The following GALNT13 variants were observed in gnomAD, a reference collection of about 807,000 sequenced individuals.
GALNT13 encodes UDP-GalNAc:polypeptide N-acetylgalactosaminyltransferase 13.
GALNT13 carries 28 observed loss-of-function variants against 64.2 expected under a neutral mutation model. The ratio of observed to expected loss-of-function variants is 0.44; its 90% CI spans 0.32 to 0.60. The LOEUF (loss-of-function observed/expected upper bound fraction) is 0.60. Ranked by LOEUF, GALNT13 falls within the 20% of genes least tolerant of loss-of-function variation. The pLI is 0.05. For missense variants in GALNT13, 577 were observed against 669.8 expected (o/e 0.86, Z 1.53); for synonymous variants, 214 against 224.6 (o/e 0.95, Z 0.42).
At chr2:154,101,845 A>G (rs1310632740) in intron 3 of GALNT13, among the ~76,000 whole-genome samples, 2 of 151,890 alleles carry the variant, frequency 1.3e-5, no homozygotes, top group Non-Finnish European at 2.9e-5. Flanking sequence ...TTGTTTCTCT[A>G]TTTTTACTCA....
At chr2:154,191,384 A>G (rs1335514382) in intron 4 of GALNT13, among the ~76,000 whole-genome samples, 1 of 152,204 alleles carries the variant, frequency 6.6e-6, no homozygotes, top group Non-Finnish European at 1.5e-5. Flanking sequence ...ATTTCAGATG[A>G]AAGAAAAGAG....
intron 3 of GALNT13, among the ~76,000 whole-genome samples, chr2:153,999,632 A>T (rs190427971): frequency 2.6e-5 from 4 of 152,072 alleles, no homozygotes; most frequent in Non-Finnish European, 5.9e-5. Context: ...TTCTTTGTGT[A>T]TGATGAACCA....
At chr2:154,419,764 A>G (rs1371022362) in intron 11 of GALNT13, among the ~76,000 whole-genome samples, 2 of 152,140 alleles carry the variant, frequency 1.3e-5, no homozygotes, top group Non-Finnish European at 2.9e-5. Context: ...AAAGCAGTAC[A>G]TGGAAAAGGG....
the GALNT13 span, among the ~76,000 whole-genome samples, chr2:153,280,373 G>A: frequency 6.6e-6 from 1 of 151,596 alleles, no homozygotes; most frequent in African/African-American, 2.4e-5. Context: ...ATTTAGTTCT[G>A]GTCTGGTTTT....
chr2:153,914,501 A>AAT (rs34252582), intron 2 of GALNT13, among the ~76,000 whole-genome samples: 1 of 150,658 alleles, frequency 6.6e-6, no homozygotes, highest in Non-Finnish European at 1.5e-5. Context: ...AAAAAAAAAA[A>AAT]GATGTTTGCT....
At chr2:153,078,692 T>C in the GALNT13 span, among the ~76,000 whole-genome samples, 1 of 152,124 alleles carries the variant, frequency 6.6e-6, no homozygotes, top group Non-Finnish European at 1.5e-5. Flanking sequence ...GGGAGGAATT[T>C]TTTTTACTTG....
At chr2:153,100,393 G>A in the GALNT13 span, among the ~76,000 whole-genome samples, 1 of 152,178 alleles carries the variant, frequency 6.6e-6, no homozygotes, top group South Asian at 2.1e-4. Flanking sequence ...TGTAATTACA[G>A]CTTTCTGTCA....
intron 4 of GALNT13, among the ~76,000 whole-genome samples, chr2:154,203,520 C>T (rs1271476280): frequency 6.6e-6 from 1 of 152,032 alleles, no homozygotes; most frequent in East Asian, 1.9e-4. Context: ...CACTATAAAA[C>T]CTCCTCCTAG....
the GALNT13 span, among the ~76,000 whole-genome samples, chr2:153,414,001 A>G: frequency 6.6e-6 from 1 of 152,180 alleles, no homozygotes; most frequent in Admixed American, 6.6e-5. Context: ...TGGAAGAAAA[A>G]ATGCCAGAAA....
chr2:153,278,179 C>T, the GALNT13 span, among the ~76,000 whole-genome samples: 50 of 151,802 alleles, frequency 3.3e-4, no homozygotes, highest in South Asian at 4.2e-4. Context: ...GTGATCTGTC[C>T]GCCTCGGCCT....
the GALNT13 span, among the ~76,000 whole-genome samples, chr2:153,197,498 T>A: frequency 6.6e-6 from 1 of 152,230 alleles, no homozygotes; most frequent in Admixed American, 6.5e-5. Context: ...TGGCAACTGA[T>A]GAAGCAGGAC....
chr2:154,053,349 A>G (rs1699740837), intron 3 of GALNT13, among the ~76,000 whole-genome samples: 1 of 152,046 alleles, frequency 6.6e-6, no homozygotes, highest in Non-Finnish European at 1.5e-5. Flanking sequence ...GCCTCCTTTC[A>G]TCCTTTTCCT....
chr2:153,235,374 A>G, the GALNT13 span, among the ~76,000 whole-genome samples: 1 of 152,116 alleles, frequency 6.6e-6, no homozygotes, highest in African/African-American at 2.4e-5. Flanking sequence ...GGATGCTCAA[A>G]GGTGAGACAG....
chr2:153,378,307 G>C, the GALNT13 span, among the ~76,000 whole-genome samples: 1 of 100,678 alleles, frequency 9.9e-6, no homozygotes, highest in African/African-American at 4.4e-5. Context: ...TAGATAGATA[G>C]ATAATTTTTT....
At chr2:154,138,134 C>T (rs1683053114) in intron 3 of GALNT13, among the ~76,000 whole-genome samples, 1 of 152,086 alleles carries the variant, frequency 6.6e-6, no homozygotes, top group Admixed American at 6.6e-5. Context: ...CAATTTACTG[C>T]CCCTAGCTCC....
At chr2:153,929,167 C>T (rs1690341466) in intron 2 of GALNT13, among the ~76,000 whole-genome samples, 1 of 152,054 alleles carries the variant, frequency 6.6e-6, no homozygotes, top group Admixed American at 6.6e-5. Flanking sequence ...GTTTTCTTCT[C>T]ATATTTCTTT....
the GALNT13 span, among the ~76,000 whole-genome samples, chr2:153,494,413 T>C: frequency 6.6e-6 from 1 of 152,106 alleles, no homozygotes; most frequent in South Asian, 2.1e-4. Flanking sequence ...AGGATAGATA[T>C]AAAGGTCAAT....
At chr2:154,289,325 T>G (rs994446068) in intron 8 of GALNT13, among the ~76,000 whole-genome samples, 3 of 152,156 alleles carry the variant, frequency 2.0e-5, no homozygotes, top group African/African-American at 2.4e-5. Flanking sequence ...TGGTACCAAT[T>G]TACTATATTA....
chr2:153,820,645 C>A, the GALNT13 span, among the ~76,000 whole-genome samples: 1 of 152,122 alleles, frequency 6.6e-6, no homozygotes, highest in African/African-American at 2.4e-5. Context: ...AAATAGAATT[C>A]TTTCTAGACA....
Sources: gnomAD v4.1 joint callset for allele counts (sites outside exome capture counted in the v4.1 genomes callset) on GRCh38, gnomAD v4.1.1 for gene constraint, MANE v1.5 for transcripts, NCBI Gene and HGNC (gene_info 2026-07-23, HGNC 2026-07-21) for gene names.